The following SVOP variants were observed in gnomAD, a reference collection of about 807,000 sequenced individuals.
SVOP encodes synaptic vesicle 2-related protein.
SVOP carries 17 observed loss-of-function variants against 69.1 expected under a neutral mutation model. The ratio of observed to expected loss-of-function variants is 0.25; its 90% CI spans 0.17 to 0.37. The LOEUF is 0.37. Among genes scored for constraint, SVOP ranks in the 10% least tolerant of loss-of-function variants. The pLI is 1.00. For synonymous variants in SVOP, 238 were observed against 238.6 expected, an observed-to-expected ratio of 1.00 and a Z score of 0.02; for missense variants, 435 against 597.5, an observed-to-expected ratio of 0.73 and a Z score of 2.84.
chr12:108,982,825 C>T (rs1055146352), intron 2 of SVOP, among the ~76,000 whole-genome samples: 2 of 125,794 alleles, frequency 1.6e-5, no homozygotes, highest in African/African-American at 6.5e-5. Context: ...TCACCATCAT[C>T]ATCACTGTCA....
intron 5 of SVOP, among the ~76,000 whole-genome samples, chr12:108,969,609 G>A (rs1245038000): frequency 6.6e-6 from 1 of 150,886 alleles, no homozygotes; most frequent in African/African-American, 2.4e-5. Context: ...TTACAGGCAT[G>A]AGCCACCGCG....
intron 1 of SVOP, among the ~76,000 whole-genome samples, chr12:108,995,892 A>G (rs1411736496): frequency 1.3e-5 from 2 of 148,564 alleles, no homozygotes; most frequent in Non-Finnish European, 3.0e-5. Context: ...ACGCAGGTAG[A>G]CTCTGTCTCA....
rs761978070 is a variant in SVOP, at chr12:108,911,081, C to A, written c.*1454G>T. 6.6e-6 allele frequency: 1 copy of A among 152,200 alleles called. No homozygotes were observed. Among genetic ancestry groups the A allele is most frequent in the Non-Finnish European group, 1.5e-5 (1 of 68,082 alleles). The allele number at this position is 152,200 out of a possible 1,614,324, so 9.4% of individuals were successfully genotyped here. ...CAAATCCCAGAAGTGATGTTGCCTG[C>A]GGAGACCAACTCAAAACCAACTGGC... On this transcript the variant is annotated 3_prime_UTR_variant, in exon 16 of 16. Coordinates refer to ENST00000610966, the MANE Select transcript of SVOP (RefSeq NM_018711.5).
At chr12:108,985,308 A>T (rs905334793) in intron 1 of SVOP, among the ~76,000 whole-genome samples, 61 of 133,330 alleles carry the variant, frequency 4.6e-4, no homozygotes, top group African/African-American at 1.7e-3. Flanking sequence ...AGAGAGAGAA[A>T]GAAATAAAAA....
At chr12:108,961,816 A>C (rs777017429) in intron 5 of SVOP, among the ~76,000 whole-genome samples, 11 of 152,220 alleles carry the variant, frequency 7.2e-5, no homozygotes, top group Non-Finnish European at 1.5e-4. Context: ...ATTTTATTTT[A>C]TTAATGACGT....
intron 1 of SVOP, among the ~76,000 whole-genome samples, chr12:109,004,860 C>T (rs1043029011): frequency 6.6e-6 from 1 of 151,968 alleles, no homozygotes; most frequent in Non-Finnish European, 1.5e-5. Context: ...GCCTCATCCC[C>T]CCGAGTAGCT....
At position 108,945,148 on chromosome 12, in the gene SVOP, C is replaced by T. The variant is rs1245767429; in HGVS notation, c.597G>A (p.Glu199=). The T allele has an allele frequency of 1.3e-6, 2 of 1,537,076 alleles. No homozygotes were observed. The highest frequency in any genetic ancestry group is 4.9e-5 in the East Asian group (2 of 40,904). ...GVPQSVTLYA[E]FLPMKARAKC... is the part of the protein sequence containing the mutation. ...TAGCTCTGGCTTTCATGGGAAGGAA[C>T]TCGGCATACAGCGTCACCCTGGGAA... is the stretch of plus-strand genomic sequence containing the variant. Residue 199 remains glutamate, a synonymous_variant, in exon 7 of 16, where the codon GAG becomes GAA. Coordinates refer to ENST00000610966, the MANE Select transcript of SVOP (RefSeq NM_018711.5).
At chr12:109,013,982 C>G (rs752203148) in intron 1 of SVOP, among the ~76,000 whole-genome samples, 1 of 149,472 alleles carries the variant, frequency 6.7e-6, no homozygotes, top group Non-Finnish European at 1.5e-5. Context: ...TGTCTGCAAG[C>G]TTCATCTGCA....
intron 11 of SVOP, among the ~76,000 whole-genome samples, chr12:108,924,195 C>T (rs1262467751): frequency 1.3e-5 from 2 of 152,184 alleles, no homozygotes; most frequent in Non-Finnish European, 2.9e-5. Context: ...GAGCTCTCCC[C>T]AGACACTGAA....
At chr12:108,944,507 G>A (rs1286918915) in intron 7 of SVOP, among the ~76,000 whole-genome samples, 3 of 152,174 alleles carry the variant, frequency 2.0e-5, no homozygotes, top group Non-Finnish European at 4.4e-5. Context: ...TCAATGTCCA[G>A]CATGAGCAAA....
At chr12:108,916,050 T>G (rs528128814) in intron 14 of SVOP, among the ~76,000 whole-genome samples, 178 bp from the exon 15 acceptor site, 117 of 152,266 alleles carry the variant, frequency 7.7e-4, no homozygotes, top group East Asian at 4.3e-3. Context: ...GAGGCTCAAC[T>G]CAGACCTAGG....
intron 8 of SVOP, among the ~76,000 whole-genome samples, chr12:108,940,052 G>A (rs945807555): frequency 2.0e-5 from 3 of 152,164 alleles, no homozygotes; most frequent in African/African-American, 7.2e-5. Context: ...GAACTTGTGG[G>A]CTTTATTTGT....
At chr12:108,913,164 A>C (rs932619835) in intron 15 of SVOP, among the ~76,000 whole-genome samples, 8 of 151,886 alleles carry the variant, frequency 5.3e-5, no homozygotes, top group Admixed American at 3.9e-4. Context: ...CTCCGCCTTC[A>C]GGGTTCAAGC....
chr12:108,974,730 C>CA (rs368207920), intron 4 of SVOP, among the ~76,000 whole-genome samples: 107,011 of 148,834 alleles, frequency 0.72, 38,747 homozygotes, highest in East Asian at 0.98. Flanking sequence ...GACCCTATTT[C>CA]AAAAAAAAAA....
At chr12:108,950,653 G>A (rs2039949363) in intron 6 of SVOP, among the ~76,000 whole-genome samples, 1 of 152,180 alleles carries the variant, frequency 6.6e-6, no homozygotes, top group Admixed American at 6.5e-5. Context: ...CTGAAGTGCT[G>A]GGATTGCAGG....
chr12:108,913,681 G>A (rs912462703), intron 15 of SVOP, among the ~76,000 whole-genome samples: 60 of 152,064 alleles, frequency 3.9e-4, no homozygotes, highest in African/African-American at 1.1e-3. Flanking sequence ...ATGTAGTCTC[G>A]CTCTGTCTCC....
At chr12:108,917,530 TAGAA>T (rs1459797932) in intron 14 of SVOP, among the ~76,000 whole-genome samples, 1 of 149,958 alleles carries the variant, frequency 6.7e-6, no homozygotes, top group African/African-American at 2.5e-5. Context: ...ACATGGAAAA[TAGAA>T]AGTAAAATAC....
intron 11 of SVOP, among the ~76,000 whole-genome samples, chr12:108,932,431 C>A (rs1212016660): frequency 1.3e-5 from 2 of 151,996 alleles, no homozygotes; most frequent in African/African-American, 2.4e-5. Context: ...CAGAGCAAGA[C>A]CCTGTCTCAA....
intron 1 of SVOP, among the ~76,000 whole-genome samples, chr12:108,986,456 A>G (rs1033651154): frequency 6.6e-6 from 1 of 152,242 alleles, no homozygotes; most frequent in African/African-American, 2.4e-5. Context: ...ATAAAATTAC[A>G]TACATAACAA....
Sources: allele counts gnomAD v4.1 joint callset (sites outside exome capture counted in the v4.1 genomes callset), GRCh38; gene constraint gnomAD v4.1.1; transcripts MANE v1.5; gene names NCBI Gene and HGNC (gene_info 2026-07-23, HGNC 2026-07-21).